DNAAF11: variants seen among roughly 807,000 people sequenced by gnomAD.
The protein encoded by DNAAF11 is dynein axonemal assembly factor 11.
Under a neutral mutation model 60.8 loss-of-function variants are expected in DNAAF11, and 45 were observed. The observed-to-expected ratio is 0.74, with a 90% CI of 0.58 to 0.95. The LOEUF (loss-of-function observed/expected upper bound fraction) is 0.95, where lower values mean the gene tolerates loss of function less well. Among genes scored for constraint, DNAAF11 ranks in the 40% least tolerant of loss-of-function variants. The pLI, the probability that DNAAF11 is intolerant of heterozygous loss-of-function variation, is 0.00. For synonymous variants in DNAAF11, 191 were observed against 183.5 expected (o/e 1.04, Z -0.33); for missense variants, 546 against 546.2 (o/e 1.00, Z 0.00).
intron 10 of DNAAF11, among the ~76,000 whole-genome samples, chr8:132,603,236 G>A (rs967278645): frequency 1.3e-5 from 2 of 152,140 alleles, no homozygotes; most frequent in Non-Finnish European, 2.9e-5. Context: ...TTGGCCTTTA[G>A]CAGATGACAG....
chr8:132,694,378 C>A, the DNAAF11 span, among the ~76,000 whole-genome samples: 1 of 152,058 alleles, frequency 6.6e-6, no homozygotes, highest in Non-Finnish European at 1.5e-5. Flanking sequence ...AAATTGGACA[C>A]AGACACAGAC....
chr8:132,605,709 GGGA>G (rs947373007), intron 10 of DNAAF11, among the ~76,000 whole-genome samples: 6 of 152,144 alleles, frequency 3.9e-5, no homozygotes, highest in Non-Finnish European at 8.8e-5. Flanking sequence ...TGCTGAGGTT[GGGA>G]GGAGATGTTT....
chr8:132,658,484 G>A lies in DNAAF11; in HGVS notation c.179-1577C>T, dbSNP rs376326014. The stretch of plus-strand genomic sequence containing the variant: ...ACTACAGGCGCCCGCCACCACGCCT[G>A]GCTAATTTTTGTATTTTTAGTAGAG... On this transcript the variant is annotated intron_variant, in intron 2 of 11. Transcript: ENST00000620350. Among the ~76,000 whole-genome samples, 108 of 152,146 alleles carry A rather than the reference G, an allele frequency of 7.1e-4. 1 individual carries two copies. In the East Asian group the frequency reaches 0.021, roughly 29 times the overall value.
chr8:132,660,456 G>A (rs956319104), intron 2 of DNAAF11, among the ~76,000 whole-genome samples: 1 of 152,210 alleles, frequency 6.6e-6, no homozygotes, highest in African/African-American at 2.4e-5. Flanking sequence ...ACTGCATAGA[G>A]GGAGGCGGGA....
rs1328961887 is a variant in DNAAF11, at chr8:132,626,703, C to A, written c.654-1249G>T. Reference sequence around the variant, plus strand: ...ACATTAGGTACAGTCTCTCTCCCCTCACCTCTCCCTAGAATAGACACTTTA... The same window carrying A: ...ACATTAGGTACAGTCTCTCTCCCCTAACCTCTCCCTAGAATAGACACTTTA... On this transcript the variant is annotated intron_variant, in intron 5 of 11. Transcript: ENST00000620350. Among the ~76,000 whole-genome samples, 5 of 152,148 alleles carry A rather than the reference C, an allele frequency of 3.3e-5. 1 individual carries two copies. Among genetic ancestry groups the A allele is most frequent in the Admixed American group, 3.3e-4 (5 of 15,270 alleles).
In DNAAF11 at chr8:132,587,757, G is replaced by A. The variant is rs60142793; in HGVS notation, c.1141-3978C>T. On this transcript the variant is annotated intron_variant, in intron 10 of 11. Coordinates refer to ENST00000620350, the MANE Select transcript of DNAAF11 (RefSeq NM_012472.6). ...TACTTGAAAATTCAATTGTGGGATA[G>A]GCATAAAGGAACAAATTAACATTTT... 6.4e-3 allele frequency among the ~76,000 whole-genome samples: 976 copies of A among 152,214 alleles called. 42 individuals carry two copies. In the East Asian group the frequency reaches 0.12, roughly 18 times the overall value.
At chr8:132,605,608 G>A (rs1586558190) in intron 10 of DNAAF11, among the ~76,000 whole-genome samples, 1 of 151,994 alleles carries the variant, frequency 6.6e-6, no homozygotes, top group African/African-American at 2.4e-5. Flanking sequence ...TTCTTGTTGG[G>A]GAAAATAGAA....
intron 10 of DNAAF11, among the ~76,000 whole-genome samples, chr8:132,587,750 TG>T (rs1816049083): frequency 6.6e-6 from 1 of 152,290 alleles, no homozygotes; most frequent in African/African-American, 2.4e-5. Flanking sequence ...AATTCAATTG[TG>T]GGATAGGCAT....
chr8:132,593,074 G>A (rs1192979806), intron 10 of DNAAF11, among the ~76,000 whole-genome samples: 1 of 151,696 alleles, frequency 6.6e-6, no homozygotes, highest in East Asian at 1.9e-4. Flanking sequence ...TTTAAGGAAT[G>A]AGCAAAGGAA....
At chr8:132,582,677 A>C (rs1293593219) in intron 11 of DNAAF11, among the ~76,000 whole-genome samples, 1 of 152,222 alleles carries the variant, frequency 6.6e-6, no homozygotes, top group African/African-American at 2.4e-5. Context: ...ATGTTTAAAA[A>C]TCTCTACAAA....
At chr8:132,689,096 A>G in the DNAAF11 span, among the ~76,000 whole-genome samples, 6 of 152,240 alleles carry the variant, frequency 3.9e-5, no homozygotes, top group East Asian at 9.6e-4. Flanking sequence ...GGGTGATGTG[A>G]TTAGAGAGGA....
the DNAAF11 span, among the ~76,000 whole-genome samples, chr8:132,698,579 C>T: frequency 2.0e-5 from 3 of 152,108 alleles, no homozygotes; most frequent in Non-Finnish European, 2.9e-5. Context: ...ATATTTCCAC[C>T]ACATGCCATG....
chr8:132,574,277 C>T (rs752744877), intron 11 of DNAAF11, among the ~76,000 whole-genome samples: 12 of 152,338 alleles, frequency 7.9e-5, no homozygotes, highest in Non-Finnish European at 1.5e-4. Flanking sequence ...GAAGGTAGGC[C>T]TGCAAGGTTG....
chr8:132,662,005 C>T (rs1184316968), intron 1 of DNAAF11, among the ~76,000 whole-genome samples: 1 of 152,176 alleles, frequency 6.6e-6, no homozygotes, highest in East Asian at 1.9e-4. Context: ...GACAGAGCAA[C>T]TTGCTACTGA....
upstream of DNAAF11, chr8:132,675,710 G>C (rs539275855): frequency 7.1e-5 from 31 of 437,804 alleles, no homozygotes; most frequent in African/African-American, 6.3e-4. Flanking sequence ...GCAGACAGGG[G>C]TTCCCCAACC....
At chr8:132,674,541 C>A (rs1825587135) in intron 1 of DNAAF11, among the ~76,000 whole-genome samples, 1 of 152,208 alleles carries the variant, frequency 6.6e-6, no homozygotes, top group African/African-American at 2.4e-5. Flanking sequence ...ATGGTTCATA[C>A]AATATAAATA....
At chr8:132,610,015 C>T (rs914901756) in intron 10 of DNAAF11, 151 bp downstream of exon 10, 2 of 581,520 alleles carry the variant, frequency 3.4e-6, no homozygotes, top group Admixed American at 3.1e-5. Flanking sequence ...TCTCACAGAC[C>T]GTTGTTCTCC....
chr8:132,583,998 C>T (rs971514609), intron 10 of DNAAF11, among the ~76,000 whole-genome samples: 1 of 152,050 alleles, frequency 6.6e-6, no homozygotes, highest in Non-Finnish European at 1.5e-5. Context: ...AAGCTATCTA[C>T]AACTGCCAAA....
At chr8:132,649,340 T>C (rs1313838422) in intron 3 of DNAAF11, among the ~76,000 whole-genome samples, 1 of 152,144 alleles carries the variant, frequency 6.6e-6, no homozygotes, top group Admixed American at 6.5e-5. Context: ...ACTGGATCCC[T>C]TCCTTACACC....
Sources: allele counts gnomAD v4.1 joint callset (sites outside exome capture counted in the v4.1 genomes callset), GRCh38; gene constraint gnomAD v4.1.1; transcripts MANE v1.5; gene names NCBI Gene and HGNC (gene_info 2026-07-23, HGNC 2026-07-21).